Variants in ADAMTS17 observed in about 807,000 individuals in gnomAD.
ADAMTS17 encodes the protein ADAM metallopeptidase with thrombospondin type 1 motif 17.
Under a neutral mutation model 141.5 loss-of-function variants are expected in ADAMTS17, and 113 were observed. The ratio of observed to expected loss-of-function variants is 0.80; its 90% CI spans 0.69 to 0.93. The LOEUF is 0.93. Among genes scored for constraint, ADAMTS17 ranks in the 40% least tolerant of loss-of-function variants. The probability of loss-of-function intolerance (pLI) is 0.00; values close to 1 mark genes in which losing one functional copy is unlikely to be tolerated. For missense variants in ADAMTS17, 1,659 were observed against 1,517.9 expected, an observed-to-expected ratio of 1.09 and a Z score of -1.54; for synonymous variants, 768 against 630.6, an observed-to-expected ratio of 1.22 and a Z score of -3.27.
intron 2 of ADAMTS17, among the ~76,000 whole-genome samples, chr15:100,331,795 CT>C (rs2046061557): frequency 2.6e-5 from 4 of 152,184 alleles, no homozygotes; most frequent in Admixed American, 2.6e-4. Context: ...CACTACACCC[CT>C]GGTTCTCAAA....
chr15:100,207,420 T>C (rs939431883), intron 7 of ADAMTS17, among the ~76,000 whole-genome samples: 9 of 152,136 alleles, frequency 5.9e-5, no homozygotes, highest in South Asian at 2.1e-4. Context: ...AACAAGCTAA[T>C]ACACCCAGAG....
chr15:100,332,941 G>A (rs971520088), intron 2 of ADAMTS17, among the ~76,000 whole-genome samples: 9 of 152,164 alleles, frequency 5.9e-5, no homozygotes, highest in African/African-American at 1.7e-4. Flanking sequence ...GGGAACCTGC[G>A]TGAGGAAGGG....
intron 7 of ADAMTS17, among the ~76,000 whole-genome samples, chr15:100,250,327 C>T (rs2043115032): frequency 6.6e-6 from 1 of 152,190 alleles, no homozygotes; most frequent in African/African-American, 2.4e-5. Context: ...CAGCTCCTTT[C>T]CTACAGAACT....
At chr15:100,122,753 CTCAT>C (rs1489241811) in intron 12 of ADAMTS17, among the ~76,000 whole-genome samples, 1 of 152,184 alleles carries the variant, frequency 6.6e-6, no homozygotes, top group African/African-American at 2.4e-5. Context: ...ATATTTCCTA[CTCAT>C]TAAGTGGAAG....
At chr15:100,303,141 T>C (rs1297130522) in intron 3 of ADAMTS17, among the ~76,000 whole-genome samples, 2 of 146,448 alleles carry the variant, frequency 1.4e-5, no homozygotes, top group East Asian at 3.9e-4. Context: ...TATTTATATT[T>C]ATATATAAAC....
chr15:100,220,672 C>T (rs1162230411), intron 7 of ADAMTS17, among the ~76,000 whole-genome samples: 3 of 152,090 alleles, frequency 2.0e-5, no homozygotes, highest in African/African-American at 7.2e-5. Flanking sequence ...AGATCACAGC[C>T]CACTTCCTCC....
chr15:100,184,657 G>A (rs73475420), intron 8 of ADAMTS17, among the ~76,000 whole-genome samples: 166 of 152,246 alleles, frequency 1.1e-3, no homozygotes, highest in African/African-American at 3.8e-3. Flanking sequence ...GAGGCCCAGC[G>A]TAGGTTGTCT....
chr15:100,002,735 T>C (rs2141368445), intron 18 of ADAMTS17, among the ~76,000 whole-genome samples: 1 of 152,228 alleles, frequency 6.6e-6, no homozygotes, highest in Non-Finnish European at 1.5e-5. Context: ...TGTTTTCACA[T>C]GGGAGATTCC....
intron 15 of ADAMTS17, among the ~76,000 whole-genome samples, chr15:100,091,164 G>C (rs139086342): frequency 6.6e-6 from 1 of 152,022 alleles, no homozygotes; most frequent in Non-Finnish European, 1.5e-5. Flanking sequence ...AGGCAGGTGT[G>C]AAGAGCCACC....
At chr15:100,257,591 C>T (rs2043369859) in intron 6 of ADAMTS17, among the ~76,000 whole-genome samples, 1 of 152,232 alleles carries the variant, frequency 6.6e-6, no homozygotes, top group Non-Finnish European at 1.5e-5. Flanking sequence ...TCATCCAGAG[C>T]CCAGCAGCCT....
At chr15:100,150,537 C>T (rs887243566) in intron 10 of ADAMTS17, among the ~76,000 whole-genome samples, 3 of 152,158 alleles carry the variant, frequency 2.0e-5, no homozygotes, top group African/African-American at 4.8e-5. Flanking sequence ...GGACAAAGTC[C>T]AGCCTGGGAG....
rs189023417 is a variant in ADAMTS17, at chr15:100,251,346, T to C, written c.1075+2790A>G. On this transcript the variant is annotated intron_variant, in intron 7 of 21. Transcript: ENST00000268070. Reference sequence around the variant, plus strand: ...ACAAAGTATCAAATGAGCGGTGCTATGGATTGACTTGTGTCCCCACAAAAT... The same window carrying C: ...ACAAAGTATCAAATGAGCGGTGCTACGGATTGACTTGTGTCCCCACAAAAT... 8.5e-3 allele frequency among the ~76,000 whole-genome samples: 1,288 copies of C among 152,338 alleles called. 14 individuals are homozygous for C. The highest frequency in any genetic ancestry group is 9.3e-3 in the Non-Finnish European group (633 of 68,024).
chr15:99,998,988 T>G (rs1053373421), intron 18 of ADAMTS17, among the ~76,000 whole-genome samples: 5 of 152,220 alleles, frequency 3.3e-5, no homozygotes, highest in African/African-American at 4.8e-5. Flanking sequence ...TGCCGGGCCA[T>G]CCCACTGTTG....
chr15:100,241,328 A>G (rs1272847844), intron 7 of ADAMTS17, among the ~76,000 whole-genome samples: 1 of 152,220 alleles, frequency 6.6e-6, no homozygotes, highest in Non-Finnish European at 1.5e-5. Context: ...GTTGTTCTGT[A>G]AGCCTGAACG....
chr15:100,188,497 C>T (rs1262255927), intron 8 of ADAMTS17, among the ~76,000 whole-genome samples: 1 of 152,214 alleles, frequency 6.6e-6, no homozygotes, highest in Non-Finnish European at 1.5e-5. Flanking sequence ...TTGCGGCTTC[C>T]TTCCATATTC....
At chr15:100,211,052 A>G (rs1413675992) in intron 7 of ADAMTS17, among the ~76,000 whole-genome samples, 2 of 151,876 alleles carry the variant, frequency 1.3e-5, no homozygotes, top group African/African-American at 4.8e-5. Context: ...GTGAGCCGAG[A>G]TTGCGCCACT....
intron 9 of ADAMTS17, among the ~76,000 whole-genome samples, chr15:100,153,334 C>A (rs76807483): frequency 2.6e-5 from 4 of 152,004 alleles, no homozygotes; most frequent in African/African-American, 9.7e-5. Context: ...CAGTGAGAGG[C>A]GCGTCTCTAA....
chr15:100,109,389 C>T (rs75723728), intron 13 of ADAMTS17, among the ~76,000 whole-genome samples: 1 of 152,030 alleles, frequency 6.6e-6, no homozygotes. Context: ...AAGGCATCAA[C>T]TATACCCGGT....
At chr15:100,045,142 T>TAGTAAAAAA (rs3062421) in intron 18 of ADAMTS17, among the ~76,000 whole-genome samples, 8,854 of 152,140 alleles carry the variant, frequency 0.058, 817 homozygotes, top group African/African-American at 0.19. Context: ...CACATTAAAA[T>TAGTAAAAAA]AACCTCAAAT....
Sources: gnomAD v4.1 joint callset for allele counts (sites outside exome capture counted in the v4.1 genomes callset) on GRCh38, gnomAD v4.1.1 for gene constraint, MANE v1.5 for transcripts, NCBI Gene and HGNC (gene_info 2026-07-23, HGNC 2026-07-21) for gene names.